Variants in PCDHA3 observed in about 807,000 individuals in gnomAD.
PCDHA3 encodes the protein protocadherin alpha 3, also known as protocadherin alpha-3.
Under a neutral mutation model 62.2 loss-of-function variants are expected in PCDHA3, and 41 were observed. That is an observed-to-expected ratio of 0.66 (90% CI 0.51 to 0.86). The LOEUF (loss-of-function observed/expected upper bound fraction) is 0.86, where lower values mean the gene tolerates loss of function less well. PCDHA3 is among the 40% of genes least tolerant of loss of function. The pLI is 0.00. For synonymous variants in PCDHA3, 640 were observed against 555.4 expected (o/e 1.15, Z -2.14); for missense variants, 1,304 against 1,241.2 (o/e 1.05, Z -0.76).
chr5:140,920,722 C>T (rs2079784294), intron 1 of PCDHA3, among the ~76,000 whole-genome samples: 1 of 151,872 alleles, frequency 6.6e-6, no homozygotes, highest in Non-Finnish European at 1.5e-5. Context: ...TGTGCGCCTG[C>T]AGTCCCAGCT....
intron 1 of PCDHA3, chr5:140,821,719 T>C: frequency 6.7e-7 from 1 of 1,495,910 alleles, no homozygotes; most frequent in Non-Finnish European, 9.0e-7. Flanking sequence ...GAATTGAATT[T>C]ACAAAATACA....
chr5:140,910,142 A>T (rs535162246), intron 1 of PCDHA3, among the ~76,000 whole-genome samples: 1 of 152,326 alleles, frequency 6.6e-6, no homozygotes, highest in South Asian at 2.1e-4. Context: ...TTAAGTCTGG[A>T]AATTGATTGA....
intron 3 of PCDHA3, among the ~76,000 whole-genome samples, chr5:140,996,730 A>G (rs1271920339): frequency 2.6e-5 from 4 of 152,228 alleles, no homozygotes; most frequent in African/African-American, 9.6e-5. Context: ...AGAAGAAACA[A>G]AAGTCATAAC....
At chr5:140,840,421 C>G (rs2150306670) in intron 1 of PCDHA3, among the ~76,000 whole-genome samples, 4 of 151,870 alleles carry the variant, frequency 2.6e-5, no homozygotes, top group Non-Finnish European at 5.9e-5. Flanking sequence ...AAATAATAGG[C>G]TAGTTTAAAG....
chr5:140,954,995 T>C (rs962646761), intron 1 of PCDHA3, among the ~76,000 whole-genome samples: 2 of 152,222 alleles, frequency 1.3e-5, no homozygotes, highest in African/African-American at 2.4e-5. Context: ...TGCATATGGC[T>C]AGCCAATTCT....
At chr5:140,830,567 G>C (rs1771136580) in intron 1 of PCDHA3, 1 of 950,998 alleles carries the variant, frequency 1.1e-6, no homozygotes, top group South Asian at 3.4e-5. Flanking sequence ...CTATATTTCT[G>C]TTTTTAATTT....
chr5:140,905,891 G>A (rs1486335678), intron 1 of PCDHA3, among the ~76,000 whole-genome samples: 2 of 152,162 alleles, frequency 1.3e-5, no homozygotes, highest in African/African-American at 4.8e-5. Context: ...TAGGCCATCT[G>A]CAAGCTGAGG....
chr5:140,896,635 C>T (rs539969970), intron 1 of PCDHA3, among the ~76,000 whole-genome samples: 4 of 152,178 alleles, frequency 2.6e-5, no homozygotes, highest in South Asian at 4.1e-4. Context: ...CCTTGGCCTC[C>T]CAAAGTGCTA....
At position 140,856,085 on chromosome 5, in the gene PCDHA3, C is replaced by T. The variant is rs2043764270; in HGVS notation, c.2394+52494C>T. 5.0e-6 allele frequency: 8 copies of T among 1,596,290 alleles called. No homozygotes were observed. In the East Asian group the frequency reaches 1.8e-4, roughly 36 times the overall value. On this transcript the variant is annotated intron_variant, in intron 1 of 3. Transcript: ENST00000522353. ...ATGTAGCTGCCTGGGGGTCCAGTGT[C>T]TGCTGCTCTCGCTTCTTCTCCTCGC...
chr5:140,831,954 TTA>T (rs1771776024), intron 1 of PCDHA3, among the ~76,000 whole-genome samples: 2 of 152,186 alleles, frequency 1.3e-5, no homozygotes, highest in South Asian at 4.1e-4. Flanking sequence ...AAGAAAAACT[TTA>T]TGTCATTTTA....
Position 140,836,106 on chromosome 5 carries a change from G to A in PCDHA3, c.2394+32515G>A. Reference sequence around the variant, plus strand: ...GGCGCCTCGGGTGGGTGGCACTGGTGGCGCAGTGAGAGAGCTTGTGCCGCG... The same window carrying A: ...GGCGCCTCGGGTGGGTGGCACTGGTAGCGCAGTGAGAGAGCTTGTGCCGCG... On this transcript the variant is annotated intron_variant, in intron 1 of 3. Coordinates refer to ENST00000522353, the MANE Select transcript of PCDHA3 (RefSeq NM_018906.3). The A allele has an allele frequency of 6.2e-7, 1 of 1,613,738 alleles. No individual in the cohort carries two copies. The highest frequency in any genetic ancestry group is 8.5e-7 in the Non-Finnish European group (1 of 1,179,782).
chr5:140,836,667 GA>G (rs2150267239), intron 1 of PCDHA3: 7 of 1,613,396 alleles, frequency 4.3e-6, no homozygotes, highest in Non-Finnish European at 5.9e-6. Context: ...GTGCTCTGGG[GA>G]GGGCCCACCC....
In PCDHA3 at chr5:140,843,704, C is replaced by T. The variant is rs930917896; in HGVS notation, c.2394+40113C>T. On this transcript the variant is annotated intron_variant, in intron 1 of 3. Transcript: ENST00000522353. ...CGAAGAGCAAGATTTAAATGTTGAT[C>T]ATGGCCTCAAAGTAAGTCCATTTAA... The T allele has an allele frequency of 1.2e-5, 19 of 1,580,086 alleles. 1 individual carries two copies. The highest frequency in any genetic ancestry group is 1.7e-5 in the Non-Finnish European group (19 of 1,151,352).
At chr5:140,968,598 A>G in intron 1 of PCDHA3, 2 of 1,614,102 alleles carry the variant, frequency 1.2e-6, no homozygotes, top group Non-Finnish European at 1.7e-6. Flanking sequence ...ATAGCTATGG[A>G]CTCAGACTCT....
chr5:140,877,138 C>T (rs2056878695), intron 1 of PCDHA3: 2 of 1,613,636 alleles, frequency 1.2e-6, no homozygotes, highest in Non-Finnish European at 1.7e-6. Flanking sequence ...GGTGTTCGTG[C>T]TGGACGAGAA....
chr5:140,957,541 A>C (rs2153713960), intron 1 of PCDHA3, among the ~76,000 whole-genome samples: 1 of 152,298 alleles, frequency 6.6e-6, no homozygotes, highest in South Asian at 2.1e-4. Flanking sequence ...GATCTTAGAA[A>C]GTATTCTCTG....
rs1200776013 is a variant in PCDHA3, at chr5:140,836,933, T to G, written c.2394+33342T>G. On this transcript the variant is annotated intron_variant, in intron 1 of 3. Transcript: ENST00000522353. ...ACTTTTGTTTTGGGATGCGTAATAC[T>G]ATAGATCAAAATCTATGGTTTATGT... is the stretch of plus-strand genomic sequence containing the variant. 4 of 481,968 alleles carry G rather than the reference T, an allele frequency of 8.3e-6. 1 individual carries two copies. The highest frequency in any genetic ancestry group is 1.4e-5 in the Non-Finnish European group (4 of 282,424). The allele number at this position is 481,968 out of a possible 1,614,324, so 29.9% of individuals were successfully genotyped here. A position where few individuals can be genotyped will look rare whatever the true frequency, so the allele number is the denominator to read the frequency against.
chr5:140,840,692 G>C lies in PCDHA3; in HGVS notation c.2394+37101G>C, dbSNP rs181650579. 2.7e-4 allele frequency among the ~76,000 whole-genome samples: 41 copies of C among 152,042 alleles called. No homozygotes were observed. The East Asian group carries it at 2.9e-3, about 11-fold the overall frequency. On this transcript the variant is annotated intron_variant, in intron 1 of 3. Transcript: ENST00000522353. ...TTTTTATTACTTTAGTAAATAAAAC[G>C]GTTCAGGCAATTTGACATTTATTGA...
chr5:140,824,338 T>C, intron 1 of PCDHA3: 3 of 621,360 alleles, frequency 4.8e-6, no homozygotes, highest in Non-Finnish European at 8.3e-6. Context: ...TATTAAGTGT[T>C]TTTAAAATAA....
Sources: allele counts gnomAD v4.1 joint callset (sites outside exome capture counted in the v4.1 genomes callset), GRCh38; gene constraint gnomAD v4.1.1; transcripts MANE v1.5; gene names NCBI Gene and HGNC (gene_info 2026-07-23, HGNC 2026-07-21).